The following CPAMD8 variants were observed in gnomAD, a reference collection of about 807,000 sequenced individuals.
CPAMD8 encodes C3 and PZP like alpha-2-macroglobulin domain containing 8, also known as C3 and PZP-like alpha-2-macroglobulin domain-containing protein 8.
CPAMD8 carries 146 observed loss-of-function variants against 224.7 expected under a neutral mutation model. That is an observed-to-expected ratio of 0.65 (90% CI 0.57 to 0.75). CPAMD8 has a LOEUF of 0.75. CPAMD8 is among the 30% of genes least tolerant of loss of function. The probability of loss-of-function intolerance (pLI) is 0.00; values close to 1 mark genes in which losing one functional copy is unlikely to be tolerated. For synonymous variants in CPAMD8, 966 were observed against 1,044.6 expected (o/e 0.92, Z 1.45); for missense variants, 2,301 against 2,537.5 (o/e 0.91, Z 2.00).
chr19:16,937,325 T>C (rs1749598158), intron 23 of CPAMD8, among the ~76,000 whole-genome samples: 1 of 151,902 alleles, frequency 6.6e-6, no homozygotes, highest in Non-Finnish European at 1.5e-5. Context: ...TGTTTGCTTG[T>C]TTGTTTAATT....
intron 11 of CPAMD8, among the ~76,000 whole-genome samples, chr19:16,994,024 G>A (rs1208752822): frequency 6.6e-6 from 1 of 152,184 alleles, no homozygotes; most frequent in Non-Finnish European, 1.5e-5. Context: ...GATCACTTGA[G>A]TCTGGGACTT....
At chr19:16,917,604 G>A (rs2053010170) in intron 27 of CPAMD8, among the ~76,000 whole-genome samples, 1 of 152,200 alleles carries the variant, frequency 6.6e-6, no homozygotes, top group Admixed American at 6.5e-5. Context: ...AGCTGGGCAT[G>A]GTAGTGCATG....
At chr19:16,981,650 C>T (rs1295401155) in intron 13 of CPAMD8, among the ~76,000 whole-genome samples, 2 of 152,104 alleles carry the variant, frequency 1.3e-5, no homozygotes, top group African/African-American at 2.4e-5. Flanking sequence ...CTAAGATCTC[C>T]CTAGGGGGTT....
intron 21 of CPAMD8, among the ~76,000 whole-genome samples, chr19:16,946,575 G>A (rs564991249): frequency 2.8e-5 from 4 of 142,878 alleles, no homozygotes; most frequent in African/African-American, 7.9e-5. Context: ...TTGTGTGTGT[G>A]TATATGCACG....
At chr19:17,020,212 G>A in intron 3 of CPAMD8, 119 bp downstream of exon 3, 1 of 757,468 alleles carries the variant, frequency 1.3e-6, no homozygotes, top group South Asian at 1.4e-5. Context: ...GACCTCAGGT[G>A]ATCCACCCAC....
intron 8 of CPAMD8, among the ~76,000 whole-genome samples, chr19:17,003,798 G>A (rs1214967809): frequency 6.7e-6 from 1 of 149,040 alleles, no homozygotes; most frequent in East Asian, 2.0e-4. Flanking sequence ...AAAAAAGTAA[G>A]AGTGTAGGAC....
In CPAMD8 at chr19:17,018,717, T is replaced by TACACACACACAC. The variant is rs367984655; in HGVS notation, c.267+1602_267+1613dup. Reference sequence around the variant, plus strand: ...GGTAAAACCCCATCTCTACTAAAAATACACACACACACACACACACACACA... The same window carrying TACACACACACAC: ...GGTAAAACCCCATCTCTACTAAAAATACACACACACACACACACACACACACACACACACACA... On this transcript the variant is annotated intron_variant, in intron 3 of 41. Coordinates refer to ENST00000443236, the MANE Select transcript of CPAMD8 (RefSeq NM_015692.5). 8.1e-3 allele frequency among the ~76,000 whole-genome samples: 1,113 copies of TACACACACACAC among 136,792 alleles called. 17 individuals carry two copies. Among genetic ancestry groups the TACACACACACAC allele is most frequent in the African/African-American group, 0.028 (1,012 of 35,756 alleles). 89.7% of individuals were successfully genotyped at this position (136,792 alleles called of 152,430 possible).
In CPAMD8 at chr19:16,947,211, G is replaced by A. The variant is rs534724035; in HGVS notation, c.2525C>T (p.Ser842Leu). 118 of 1,612,850 alleles carry A rather than the reference G, an allele frequency of 7.3e-5. No individual in the cohort carries two copies. The South Asian group carries it at 1.2e-3, about 16-fold the overall frequency. The change falls in exon 21 of 42, where the codon TCG becomes TTG. Residue 842 changes from serine to leucine, a missense_variant. Physicochemically the swap from Ser to Leu is moderately radical, Grantham distance 145 (BLOSUM62 -2). Around this residue, in one of 4 missense-constraint regions of CPAMD8, gnomAD observed 1,709 missense variants for 1,753.2 expected, o/e 0.97. Transcript: ENST00000443236. The part of the protein sequence containing the change: ...GTCAEVYMKL[S>L]VPKGIQFVGH... Reference sequence around the variant, plus strand: ...AACAAACTGGATGCCCTTGGGAACCGAGAGCTTCATGTACACCTGCAGAGG... The same window carrying A: ...AACAAACTGGATGCCCTTGGGAACCAAGAGCTTCATGTACACCTGCAGAGG...
intron 7 of CPAMD8, among the ~76,000 whole-genome samples, chr19:17,004,818 C>A (rs2056439425): frequency 6.6e-6 from 1 of 152,196 alleles, no homozygotes; most frequent in East Asian, 1.9e-4. Flanking sequence ...CTGAGCAGCA[C>A]CCCTGGCCTC....
intron 26 of CPAMD8, among the ~76,000 whole-genome samples, chr19:16,922,235 C>A (rs1277926457): frequency 6.6e-6 from 1 of 151,798 alleles, no homozygotes. Context: ...ATTTGGAGTC[C>A]CTAAAACTGC....
intron 12 of CPAMD8, among the ~76,000 whole-genome samples, chr19:16,991,526 G>A (rs1220495203): frequency 6.6e-6 from 1 of 152,108 alleles, no homozygotes; most frequent in Non-Finnish European, 1.5e-5. Flanking sequence ...TCCTCAAGGA[G>A]TCTGAGAGAT....
Position 16,899,509 on chromosome 19 carries a change from A to G in CPAMD8, c.4814T>C (p.Val1605Ala). 6.3e-7 allele frequency: 1 copy of G among 1,584,098 alleles called. No individual in the cohort carries two copies. Among genetic ancestry groups the G allele is most frequent in the Non-Finnish European group, 8.7e-7 (1 of 1,153,020 alleles). ...DKHMGMKRYE[V>A]AGRRVLFYFD... is the part of the protein sequence containing the mutation. ...GTAGAAGAGCACTCGGCGTCCAGCC[A>G]CTTCATACCTCTTCATCCCCATGTG... The change falls in exon 37 of 42, where the codon GTG becomes GCG. Residue 1605 changes from valine to alanine, a missense_variant. Physicochemically the swap from Val to Ala is moderately conservative, Grantham distance 64. This residue lies in a region of CPAMD8 where 1,709 missense variants were observed against 1,753.2 expected (regional missense o/e 0.97). Coordinates refer to ENST00000443236, the MANE Select transcript of CPAMD8 (RefSeq NM_015692.5). This position sits in a 1 kb window ranked among gnomAD's most constrained non-coding sequence, Gnocchi z 5.4.
intron 22 of CPAMD8, among the ~76,000 whole-genome samples, chr19:16,941,990 A>G (rs2053910972): frequency 6.6e-6 from 1 of 151,880 alleles, no homozygotes; most frequent in Non-Finnish European, 1.5e-5. Flanking sequence ...AACAAGAACA[A>G]CAACAACAAA....
intron 18 of CPAMD8, among the ~76,000 whole-genome samples, chr19:16,967,049 T>C (rs2054850830): frequency 6.6e-6 from 1 of 152,118 alleles, no homozygotes; most frequent in Non-Finnish European, 1.5e-5. Context: ...CGTATGTTTA[T>C]TGTGGCACTA....
At chr19:16,974,411 GC>G (rs2055181801) in intron 17 of CPAMD8, among the ~76,000 whole-genome samples, 1 of 151,674 alleles carries the variant, frequency 6.6e-6, no homozygotes, top group Non-Finnish European at 1.5e-5. Context: ...TGGGATCACA[GC>G]CACCTCCTTC....
At chr19:16,944,991 C>T (rs2054022874) in intron 22 of CPAMD8, among the ~76,000 whole-genome samples, 1 of 152,224 alleles carries the variant, frequency 6.6e-6, no homozygotes, top group South Asian at 2.1e-4. Context: ...AGCCCTGAGA[C>T]ATCTGTGTGT....
rs759561309 is a variant in CPAMD8, at chr19:16,929,017, A to G, written c.3069T>C (p.Ser1023=). 1.9e-6 allele frequency: 3 copies of G among 1,613,874 alleles called. No homozygotes were observed. The highest frequency in any genetic ancestry group is 1.7e-6 in the Non-Finnish European group (2 of 1,179,798). ...AGGAGAGGATCTTGGCCGTGTGTGC[A>G]CTGGCCACGGGCTCTCCCATCTTGC... ...STSKMGEPVA[S]AHTAKILSWD... Residue 1023 remains serine, a synonymous_variant, in exon 24 of 42, where the codon AGT becomes AGC. Coordinates refer to ENST00000443236, the MANE Select transcript of CPAMD8 (RefSeq NM_015692.5).
intron 13 of CPAMD8, among the ~76,000 whole-genome samples, chr19:16,986,926 A>G (rs996169540): frequency 2.0e-5 from 3 of 151,810 alleles, no homozygotes; most frequent in Admixed American, 2.0e-4. Flanking sequence ...GAGGCCGAAG[A>G]GGGTGGATCA....
At chr19:16,974,154 C>T (rs1273657756) in intron 17 of CPAMD8, among the ~76,000 whole-genome samples, 7 of 150,974 alleles carry the variant, frequency 4.6e-5, no homozygotes, top group East Asian at 2.0e-4. Flanking sequence ...TTTTTTGAGA[C>T]GGAGTCTCGC....
Sources: gnomAD v4.1 joint callset for allele counts (sites outside exome capture counted in the v4.1 genomes callset) on GRCh38, gnomAD v4.1.1 for gene constraint, gnomAD v4.1.1 regional missense constraint, Gnocchi (gnomAD v3.1) non-coding constraint, MANE v1.5 for transcripts, NCBI Gene and HGNC (gene_info 2026-07-23, HGNC 2026-07-21) for gene names.